The following DPP10 variants were observed in gnomAD, a reference collection of about 807,000 sequenced individuals.
DPP10 encodes dipeptidyl peptidase like 10, also known as inactive dipeptidyl peptidase 10.
In DPP10, 33 loss-of-function variants were observed where a neutral mutation model predicts 120.9. The ratio of observed to expected loss-of-function variants is 0.27; its 90% CI spans 0.21 to 0.37. DPP10 has a LOEUF of 0.37. DPP10 is among the 10% of genes least tolerant of loss of function. DPP10 has a pLI of 1.00. For synonymous variants in DPP10, 337 were observed against 326.1 expected (o/e 1.03, Z -0.36); for missense variants, 816 against 942.8 (o/e 0.87, Z 1.76).
chr2:114,524,355 A>C (rs1226093301), intron 1 of DPP10, among the ~76,000 whole-genome samples: 1 of 152,208 alleles, frequency 6.6e-6, no homozygotes, highest in Non-Finnish European at 1.5e-5. Flanking sequence ...ATAACGCAGG[A>C]TCCCATATCC....
intron 1 of DPP10, among the ~76,000 whole-genome samples, chr2:114,697,705 G>A (rs1304688900): frequency 3.4e-5 from 5 of 145,058 alleles, no homozygotes; most frequent in East Asian, 4.1e-4. Context: ...AGCTGAGATC[G>A]CGCAACTGCA....
chr2:115,017,174 T>G (rs1040837843), intron 1 of DPP10, among the ~76,000 whole-genome samples: 1 of 151,344 alleles, frequency 6.6e-6, no homozygotes. Context: ...AACCTGCACA[T>G]TGTGCACATG....
chr2:115,631,178 C>A (rs1330591230), intron 5 of DPP10, among the ~76,000 whole-genome samples: 1 of 151,446 alleles, frequency 6.6e-6, no homozygotes, highest in East Asian at 1.9e-4. Context: ...GTAATTTGTC[C>A]ATTTCTTATA....
At chr2:115,253,712 G>A (rs923068109) in intron 1 of DPP10, among the ~76,000 whole-genome samples, 1 of 152,242 alleles carries the variant, frequency 6.6e-6, no homozygotes, top group Non-Finnish European at 1.5e-5. Flanking sequence ...ACTGCTGCAA[G>A]GGGTTGGCTC....
intron 1 of DPP10, among the ~76,000 whole-genome samples, chr2:114,727,051 C>T (rs1232116156): frequency 1.3e-5 from 2 of 152,196 alleles, no homozygotes; most frequent in African/African-American, 4.8e-5. Flanking sequence ...CCAATTTTCC[C>T]AGCATCATCC....
At chr2:115,794,379 C>T (rs1231259864) in intron 19 of DPP10, among the ~76,000 whole-genome samples, 1 of 152,192 alleles carries the variant, frequency 6.6e-6, no homozygotes, top group East Asian at 1.9e-4. Context: ...AAACCCAGTT[C>T]TGCTCAATCT....
chr2:115,239,369 G>A (rs1340650181), intron 1 of DPP10, among the ~76,000 whole-genome samples: 3 of 152,094 alleles, frequency 2.0e-5, no homozygotes, highest in Non-Finnish European at 2.9e-5. Flanking sequence ...AAAATCCATC[G>A]TCTTAATTTT....
chr2:114,688,704 C>G (rs1453428439), intron 1 of DPP10, among the ~76,000 whole-genome samples: 1 of 150,896 alleles, frequency 6.6e-6, no homozygotes, highest in Non-Finnish European at 1.5e-5. Context: ...CTGACAAGTG[C>G]GCATGTGAGG....
chr2:114,832,271 C>T (rs963278806), intron 1 of DPP10, among the ~76,000 whole-genome samples: 3 of 152,322 alleles, frequency 2.0e-5, no homozygotes, highest in African/African-American at 4.8e-5. Context: ...TGGTGGCTCA[C>T]GCCTGTAATC....
At chr2:115,771,615 C>A (rs1193950391) in intron 13 of DPP10, among the ~76,000 whole-genome samples, 1 of 152,086 alleles carries the variant, frequency 6.6e-6, no homozygotes, top group Non-Finnish European at 1.5e-5. Flanking sequence ...AATTTACTGC[C>A]TAAACAGTAA....
chr2:115,184,895 G>A lies in DPP10; in HGVS notation c.61-124344G>A, dbSNP rs569564204. ...AAACAGTTATGAAAAATGAATAATA[G>A]CATTTAGTAATGCATAATGTGAGAG... On this transcript the variant is annotated intron_variant, in intron 1 of 25. Coordinates refer to ENST00000410059, the MANE Select transcript of DPP10 (RefSeq NM_020868.6). Among the ~76,000 whole-genome samples the A allele has an allele frequency of 2.6e-5, 4 of 152,244 alleles. No homozygotes were observed. In the South Asian group the frequency reaches 6.2e-4, roughly 24 times the overall value.
intron 5 of DPP10, among the ~76,000 whole-genome samples, chr2:115,545,284 T>A (rs2079428827): frequency 6.6e-6 from 1 of 152,182 alleles, no homozygotes; most frequent in Non-Finnish European, 1.5e-5. Flanking sequence ...CATTCATTTT[T>A]AAATTATTAA....
chr2:114,963,791 A>T (rs1168341787), intron 1 of DPP10, among the ~76,000 whole-genome samples: 1 of 152,170 alleles, frequency 6.6e-6, no homozygotes, highest in African/African-American at 2.4e-5. Context: ...TTTGCTAAAG[A>T]TCAAATCCTG....
At chr2:114,710,049 C>T (rs1317509295) in intron 1 of DPP10, among the ~76,000 whole-genome samples, 1 of 152,228 alleles carries the variant, frequency 6.6e-6, no homozygotes, top group Non-Finnish European at 1.5e-5. Flanking sequence ...ATTCTCTCTT[C>T]CCACCAACTC....
intron 1 of DPP10, among the ~76,000 whole-genome samples, chr2:114,734,589 A>G (rs1677238789): frequency 6.6e-6 from 1 of 152,192 alleles, no homozygotes; most frequent in Non-Finnish European, 1.5e-5. Context: ...CCTTGGACAC[A>G]TGTTCTTAGG....
chr2:115,600,437 G>A (rs558404076), intron 5 of DPP10, among the ~76,000 whole-genome samples: 1 of 152,114 alleles, frequency 6.6e-6, no homozygotes, highest in Non-Finnish European at 1.5e-5. Context: ...CTTTGGAAAA[G>A]GACAATAAAA....
At chr2:114,490,264 G>T (rs1414206895) in intron 1 of DPP10, among the ~76,000 whole-genome samples, 1 of 152,042 alleles carries the variant, frequency 6.6e-6, no homozygotes, top group Non-Finnish European at 1.5e-5. Flanking sequence ...CATGTCTTTT[G>T]CAAAATGAGC....
chr2:115,552,095 A>G (rs2079911179), intron 5 of DPP10, among the ~76,000 whole-genome samples: 1 of 152,138 alleles, frequency 6.6e-6, no homozygotes, highest in Non-Finnish European at 1.5e-5. Flanking sequence ...GGGTTGCATT[A>G]GTTTTGTTTG....
intron 1 of DPP10, among the ~76,000 whole-genome samples, chr2:115,204,469 GA>G (rs887933059): frequency 2.0e-5 from 3 of 150,586 alleles, no homozygotes; most frequent in Non-Finnish European, 3.0e-5. Flanking sequence ...GATAGTAACA[GA>G]AAAAAAAATA....
Sources: allele counts gnomAD v4.1 joint callset (sites outside exome capture counted in the v4.1 genomes callset), GRCh38; gene constraint gnomAD v4.1.1; transcripts MANE v1.5; gene names NCBI Gene and HGNC (gene_info 2026-07-23, HGNC 2026-07-21).